The following SHROOM4 variants were observed in gnomAD, a reference collection of about 807,000 sequenced individuals.
SHROOM4 encodes the protein protein Shroom4.
Under a neutral mutation model 80.3 loss-of-function variants are expected in SHROOM4, and 17 were observed. The observed-to-expected ratio is 0.21, with a 90% CI of 0.14 to 0.32. The LOEUF is 0.32. Among genes scored for constraint, SHROOM4 ranks in the 10% least tolerant of loss-of-function variants. The probability of loss-of-function intolerance (pLI) is 1.00; values close to 1 mark genes in which losing one functional copy is unlikely to be tolerated. For missense variants in SHROOM4, 993 were observed against 1,140.3 expected (o/e 0.87, Z 1.86); for synonymous variants, 400 against 437.5 (o/e 0.91, Z 1.07).
At chrX:50,758,066 G>A (rs1935075445) in intron 1 of SHROOM4, among the ~76,000 whole-genome samples, 1 of 111,109 alleles carries the variant, frequency 9.0e-6, no homozygotes, top group African/African-American at 3.3e-5. Context: ...GAATGAAAAT[G>A]TTTTCTTAAT....
intron 1 of SHROOM4, among the ~76,000 whole-genome samples, chrX:50,745,370 A>G: frequency 9.0e-6 from 1 of 111,016 alleles, no homozygotes. Context: ...GGAGAGAATG[A>G]TATGGCAGCC....
chrX:50,799,007 C>T (rs1290150998), intron 1 of SHROOM4, among the ~76,000 whole-genome samples: 3 of 112,114 alleles, frequency 2.7e-5, no homozygotes, highest in Non-Finnish European at 5.6e-5. Flanking sequence ...TGCCTGGCCT[C>T]CAAATGACCA....
intron 2 of SHROOM4, among the ~76,000 whole-genome samples, chrX:50,665,888 C>T (rs1257414990): frequency 9.0e-6 from 1 of 111,577 alleles, no homozygotes; most frequent in African/African-American, 3.3e-5. Context: ...GGTGGGAAGG[C>T]ATCATGGAAG....
At chrX:50,714,034 G>A (rs1557264616) in intron 1 of SHROOM4, among the ~76,000 whole-genome samples, 1 of 111,785 alleles carries the variant, frequency 8.9e-6, no homozygotes, top group African/African-American at 3.3e-5. Flanking sequence ...TTCTGCATAT[G>A]CTTATTGAGT....
chrX:50,734,603 C>T (rs985329086), intron 1 of SHROOM4, among the ~76,000 whole-genome samples: 14 of 110,391 alleles, frequency 1.3e-4, no homozygotes, highest in Admixed American at 1.3e-3. Flanking sequence ...TTAGTACAAA[C>T]GGGGTTTCAC....
chrX:50,675,003 G>A (rs1486428889), intron 2 of SHROOM4, among the ~76,000 whole-genome samples: 2 of 112,188 alleles, frequency 1.8e-5, no homozygotes, highest in Admixed American at 9.4e-5. Flanking sequence ...AGCAGGTAAA[G>A]GAGTGGGACA....
At chrX:50,778,856 C>T (rs1248003744) in intron 1 of SHROOM4, among the ~76,000 whole-genome samples, 1 of 111,547 alleles carries the variant, frequency 9.0e-6, no homozygotes, top group African/African-American at 3.3e-5. Context: ...CACTTTCCGA[C>T]ACTTCCCAGC....
At chrX:50,778,770 A>G (rs1363023610) in intron 1 of SHROOM4, among the ~76,000 whole-genome samples, 3 of 112,433 alleles carry the variant, frequency 2.7e-5, no homozygotes, top group African/African-American at 9.7e-5. Flanking sequence ...TTTAAAAGTA[A>G]CCATAAAACT....
Position 50,635,236 on chromosome X carries a change from C to T in SHROOM4, c.837G>A (p.Arg279=). 1 of 1,203,554 alleles carries T rather than the reference C, an allele frequency of 8.3e-7. No homozygotes were observed. The highest frequency in any genetic ancestry group is 1.7e-5 in the African/African-American group (1 of 57,831). ...CTCTGGAGGCCTGAAGGCTGTCCCG[C>T]CTCACTGGAGGTTGTGGTGGGCCCC... The part of the protein sequence containing the change: ...AVRGPPQPPV[R]RDSLQASRAQ... The change falls in exon 4 of 9, where the codon AGG becomes AGA. Residue 279 remains arginine, a synonymous_variant. Coordinates refer to ENST00000376020, the MANE Select transcript of SHROOM4 (RefSeq NM_020717.5).
intron 2 of SHROOM4, among the ~76,000 whole-genome samples, chrX:50,684,843 C>T (rs1267479658): frequency 8.9e-6 from 1 of 111,772 alleles, no homozygotes. Context: ...AGATATACCC[C>T]TTTGGGTTTC....
At chrX:50,577,205 A>G in the SHROOM4 span, among the ~76,000 whole-genome samples, 1 of 112,599 alleles carries the variant, frequency 8.9e-6, no homozygotes, top group Non-Finnish European at 1.9e-5. Flanking sequence ...GGACATAGAG[A>G]TTAGCCTATA....
At chrX:50,721,246 CAAGA>C (rs1557265398) in intron 1 of SHROOM4, among the ~76,000 whole-genome samples, 1 of 111,987 alleles carries the variant, frequency 8.9e-6, no homozygotes, top group African/African-American at 3.2e-5. Context: ...GGATCTTGCA[CAAGA>C]AAGAATTCAG....
intron 1 of SHROOM4, among the ~76,000 whole-genome samples, chrX:50,772,901 G>A (rs1349403711): frequency 1.8e-5 from 2 of 111,893 alleles, no homozygotes; most frequent in African/African-American, 6.5e-5. Context: ...TGCATCACAG[G>A]CCCATTCACC....
intron 2 of SHROOM4, among the ~76,000 whole-genome samples, chrX:50,677,013 T>G (rs782656302): frequency 8.9e-6 from 1 of 112,069 alleles, no homozygotes; most frequent in East Asian, 2.8e-4. Context: ...CCCTTTTCTA[T>G]AAATTCTGTC....
At chrX:50,736,483 C>T (rs1934496258) in intron 1 of SHROOM4, among the ~76,000 whole-genome samples, 1 of 111,315 alleles carries the variant, frequency 9.0e-6, no homozygotes, top group Non-Finnish European at 1.9e-5. Flanking sequence ...TGTTCAGCTC[C>T]CACTTATAAG....
At chrX:50,776,727 C>G (rs1467520475) in intron 1 of SHROOM4, among the ~76,000 whole-genome samples, 1 of 108,714 alleles carries the variant, frequency 9.2e-6, no homozygotes, top group African/African-American at 3.4e-5. Context: ...CTGGCTCTGT[C>G]ACCCAGACTG....
At position 50,651,537 on chromosome X, in the gene SHROOM4, G is replaced by A. The variant is rs113510597; in HGVS notation, c.270-13229C>T. Among the ~76,000 whole-genome samples the A allele has an allele frequency of 6.7e-3, 742 of 111,526 alleles. 4 individuals carry two copies. The highest frequency in any genetic ancestry group is 0.023 in the African/African-American group (711 of 30,657). On this transcript the variant is annotated intron_variant, in intron 2 of 8. Transcript: ENST00000376020. ...AAGAAAATTCTGGGGACCCATCCTC[G>A]ACCTTTTGGATCAGAAACTCTGGGG...
chrX:50,644,778 A>G (rs1381114963), intron 2 of SHROOM4, among the ~76,000 whole-genome samples: 1 of 111,528 alleles, frequency 9.0e-6, no homozygotes, highest in African/African-American at 3.3e-5. Flanking sequence ...ACTTTTATCA[A>G]CTGTATAGGG....
At chrX:50,687,764 C>T (rs1476885637) in intron 2 of SHROOM4, among the ~76,000 whole-genome samples, 3 of 111,038 alleles carry the variant, frequency 2.7e-5, no homozygotes, top group Non-Finnish European at 5.7e-5. Context: ...CAAAATTGAT[C>T]AGTTATTTAA....
Sources: gnomAD v4.1 joint callset for allele counts (sites outside exome capture counted in the v4.1 genomes callset) on GRCh38, gnomAD v4.1.1 for gene constraint, MANE v1.5 for transcripts, NCBI Gene and HGNC (gene_info 2026-07-23, HGNC 2026-07-21) for gene names.